NRXN3: variants seen among roughly 807,000 people sequenced by gnomAD.
NRXN3 encodes the protein neurexin 3, also known as neurexin III.
In NRXN3, 32 loss-of-function variants were observed where a neutral mutation model predicts 137.6. The ratio of observed to expected loss-of-function variants is 0.23; its 90% CI spans 0.18 to 0.31. The LOEUF (loss-of-function observed/expected upper bound fraction) is 0.31, where lower values mean the gene tolerates loss of function less well. Among genes scored for constraint, NRXN3 ranks in the 10% least tolerant of loss-of-function variants. The probability of loss-of-function intolerance (pLI) is 1.00; values close to 1 mark genes in which losing one functional copy is unlikely to be tolerated. For synonymous variants in NRXN3, 798 were observed against 784.5 expected, an observed-to-expected ratio of 1.02 and a Z score of -0.29; for missense variants, 1,574 against 2,062.5, an observed-to-expected ratio of 0.76 and a Z score of 4.59.
chr14:78,543,877 G>C (rs1259213698), intron 4 of NRXN3, among the ~76,000 whole-genome samples: 1 of 152,082 alleles, frequency 6.6e-6, no homozygotes, highest in Non-Finnish European at 1.5e-5. Flanking sequence ...CGGAATCAAG[G>C]GTGTGTTTTC....
intron 16 of NRXN3, among the ~76,000 whole-genome samples, chr14:79,483,979 A>G (rs2096632612): frequency 6.6e-6 from 1 of 152,146 alleles, no homozygotes; most frequent in Non-Finnish European, 1.5e-5. Context: ...TCCATATGGA[A>G]GTCACTGTTC....
chr14:79,078,089 C>T (rs1244073952), intron 15 of NRXN3, among the ~76,000 whole-genome samples: 1 of 152,060 alleles, frequency 6.6e-6, no homozygotes, highest in Non-Finnish European at 1.5e-5. Flanking sequence ...ATTTTCCCTT[C>T]TGATGTTATT....
intron 8 of NRXN3, among the ~76,000 whole-genome samples, chr14:78,765,029 C>A (rs2098704325): frequency 6.6e-6 from 1 of 152,144 alleles, no homozygotes; most frequent in South Asian, 2.1e-4. Flanking sequence ...TAACCTGCAG[C>A]TGGGCAGGTT....
At chr14:79,223,790 C>T (rs945480442) in intron 15 of NRXN3, among the ~76,000 whole-genome samples, 1 of 152,252 alleles carries the variant, frequency 6.6e-6, no homozygotes, top group East Asian at 1.9e-4. Flanking sequence ...CAGAGCACCA[C>T]TTTAAAACAC....
chr14:78,547,313 C>T (rs552592023), intron 4 of NRXN3, among the ~76,000 whole-genome samples: 18 of 152,006 alleles, frequency 1.2e-4, no homozygotes, highest in East Asian at 7.8e-4. Flanking sequence ...TCATGCCATT[C>T]TCCTGCCTCA....
At chr14:78,688,682 T>C (rs1398570620) in intron 6 of NRXN3, among the ~76,000 whole-genome samples, 1 of 152,078 alleles carries the variant, frequency 6.6e-6, no homozygotes, top group Non-Finnish European at 1.5e-5. Context: ...TTTTGTCTTT[T>C]GAAATATGCT....
At chr14:79,778,755 A>G (rs968050632) in intron 19 of NRXN3, among the ~76,000 whole-genome samples, 1 of 152,126 alleles carries the variant, frequency 6.6e-6, no homozygotes. Flanking sequence ...AATTTCTTAT[A>G]CGTTTTTACT....
At chr14:78,662,164 G>A (rs949460305) in intron 6 of NRXN3, among the ~76,000 whole-genome samples, 6 of 151,844 alleles carry the variant, frequency 4.0e-5, no homozygotes, top group Admixed American at 1.3e-4. Context: ...AAGCCACTGC[G>A]CCAGGCCCAG....
chr14:79,022,718 A>T (rs2099591684), intron 15 of NRXN3, among the ~76,000 whole-genome samples: 1 of 152,122 alleles, frequency 6.6e-6, no homozygotes, highest in African/African-American at 2.4e-5. Flanking sequence ...GAGGTGATGG[A>T]TGCTTCTCTC....
intron 15 of NRXN3, among the ~76,000 whole-genome samples, chr14:79,058,587 G>T (rs1485059917): frequency 6.6e-6 from 1 of 152,098 alleles, no homozygotes; most frequent in African/African-American, 2.4e-5. Context: ...AAGATTCTTT[G>T]ATTCTAGACA....
chr14:79,723,292 A>G (rs1046602633), intron 19 of NRXN3, among the ~76,000 whole-genome samples: 1 of 152,132 alleles, frequency 6.6e-6, no homozygotes, highest in Admixed American at 6.5e-5. Flanking sequence ...TGGGAGTGGA[A>G]GTAGGAAAAG....
intron 16 of NRXN3, among the ~76,000 whole-genome samples, chr14:79,636,961 T>G (rs2098407063): frequency 6.6e-6 from 1 of 152,228 alleles, no homozygotes; most frequent in Non-Finnish European, 1.5e-5. Flanking sequence ...GTGATTAGGA[T>G]GTAGCATAGG....
chr14:79,513,574 A>C (rs1480115433), intron 16 of NRXN3, among the ~76,000 whole-genome samples: 2 of 152,250 alleles, frequency 1.3e-5, no homozygotes, highest in African/African-American at 4.8e-5. Context: ...CAAATGAACT[A>C]ATTTCATTCA....
At chr14:78,726,828 C>T (rs1318736350) in intron 8 of NRXN3, among the ~76,000 whole-genome samples, 2 of 151,938 alleles carry the variant, frequency 1.3e-5, no homozygotes, top group Non-Finnish European at 2.9e-5. Context: ...CTCATTTTAG[C>T]CATTTTTATG....
chr14:79,510,239 G>A (rs998868607), intron 16 of NRXN3, among the ~76,000 whole-genome samples: 16 of 152,208 alleles, frequency 1.1e-4, no homozygotes, highest in African/African-American at 4.8e-5. Flanking sequence ...CTCGGGATTC[G>A]TTGAATTTGA....
intron 10 of NRXN3, among the ~76,000 whole-genome samples, chr14:78,946,250 A>G (rs1213740458): frequency 1.3e-5 from 2 of 152,214 alleles, no homozygotes; most frequent in Non-Finnish European, 2.9e-5. Flanking sequence ...GTACCTTCCA[A>G]GGAAAGTGCT....
intron 4 of NRXN3, among the ~76,000 whole-genome samples, chr14:78,458,886 G>T (rs2094835294): frequency 6.6e-6 from 1 of 152,316 alleles, no homozygotes; most frequent in African/African-American, 2.4e-5. Flanking sequence ...TATGGCGCAG[G>T]TGAACATTTG....
chr14:79,482,525 T>C (rs1176896818), intron 16 of NRXN3, among the ~76,000 whole-genome samples: 1 of 152,078 alleles, frequency 6.6e-6, no homozygotes, highest in African/African-American at 2.4e-5. Context: ...AACAAAAAAA[T>C]AGCATCTTCA....
chr14:79,189,842 CAT>C (rs1332329316), intron 15 of NRXN3, among the ~76,000 whole-genome samples: 1 of 152,132 alleles, frequency 6.6e-6, no homozygotes, highest in Non-Finnish European at 1.5e-5. Context: ...ACAATAAAAA[CAT>C]ATTTATCGAT....
Sources: allele counts gnomAD v4.1 joint callset (sites outside exome capture counted in the v4.1 genomes callset), GRCh38; gene constraint gnomAD v4.1.1; transcripts MANE v1.5; gene names NCBI Gene and HGNC (gene_info 2026-07-23, HGNC 2026-07-21).